EYS: variants seen among roughly 807,000 people sequenced by gnomAD.
EYS encodes the protein protein eyes shut homolog.
In EYS, 250 loss-of-function variants were observed where a neutral mutation model predicts 282.1. That is an observed-to-expected ratio of 0.89 (90% CI 0.80 to 0.98). The LOEUF is 0.98. EYS is among the 50% of genes least tolerant of loss of function. The probability of loss-of-function intolerance (pLI) is 0.00; values close to 1 mark genes in which losing one functional copy is unlikely to be tolerated. For synonymous variants in EYS, 1,355 were observed against 1,282.9 expected (o/e 1.06, Z -1.20); for missense variants, 4,016 against 3,709.0 (o/e 1.08, Z -2.15).
At chr6:64,721,427 T>G (rs949904869) in intron 22 of EYS, among the ~76,000 whole-genome samples, 1 of 152,174 alleles carries the variant, frequency 6.6e-6, no homozygotes, top group Non-Finnish European at 1.5e-5. Context: ...AAGAAAAGAA[T>G]CTTTGGTGGA....
rs1772597256 is a variant in EYS, at chr6:63,863,675, C to CTTTTCTTTTCTT, written c.7228+510_7228+511insAAGAAAAGAAAA. ...TTTCTTTTCTTTTCTTTTCTTTTTT[C>CTTTTCTTTTCTT]TTTTTTTTTTTTTTTTTTGAGATGG... On this transcript the variant is annotated intron_variant, in intron 36 of 42. Transcript: ENST00000503581. Among the ~76,000 whole-genome samples, 248 of 59,978 alleles carry CTTTTCTTTTCTT rather than the reference C, an allele frequency of 4.1e-3. 7 individuals are homozygous for CTTTTCTTTTCTT. The highest frequency in any genetic ancestry group is 0.014 in the African/African-American group (238 of 17,548). 39.3% of individuals were successfully genotyped at this position (59,978 alleles called of 152,430 possible).
At chr6:63,787,082 A>G (rs1390138124) in intron 39 of EYS, 1 of 152,156 alleles carries the variant, frequency 6.6e-6, no homozygotes, top group Non-Finnish European at 1.5e-5. Context: ...ATAAGTGGCA[A>G]TTTCCAAGAA....
chr6:64,860,008 G>A (rs9360094), intron 19 of EYS, among the ~76,000 whole-genome samples: 23,628 of 152,094 alleles, frequency 0.16, 2,158 homozygotes, highest in East Asian at 0.49. Context: ...CAAATTTGTA[G>A]CAGTTTTCTA....
At chr6:63,897,816 T>G (rs909626118) in intron 35 of EYS, among the ~76,000 whole-genome samples, 1 of 152,204 alleles carries the variant, frequency 6.6e-6, no homozygotes, top group Non-Finnish European at 1.5e-5. Context: ...AGGTTGGTTA[T>G]GGCTTGCAGG....
At chr6:64,377,022 C>T (rs1371813218) in intron 29 of EYS, among the ~76,000 whole-genome samples, 1 of 151,986 alleles carries the variant, frequency 6.6e-6, no homozygotes, top group African/African-American at 2.4e-5. Flanking sequence ...GGAGATTATT[C>T]ACCAGTGAAT....
intron 12 of EYS, among the ~76,000 whole-genome samples, chr6:65,247,291 T>C (rs996120227): frequency 6.6e-6 from 1 of 152,032 alleles, no homozygotes; most frequent in Non-Finnish European, 1.5e-5. Flanking sequence ...CTTCCAGATA[T>C]CAATTTTCTC....
intron 31 of EYS, among the ~76,000 whole-genome samples, chr6:64,086,816 T>A (rs762807069): frequency 2.6e-4 from 40 of 152,268 alleles, no homozygotes; most frequent in Non-Finnish European, 5.1e-4. Flanking sequence ...AGCATATGAA[T>A]TCTAAGAAGG....
At chr6:64,902,627 C>G in intron 16 of EYS, 127 bp from the exon 17 acceptor site, 1 of 549,248 alleles carries the variant, frequency 1.8e-6, no homozygotes, top group Non-Finnish European at 3.1e-6. Flanking sequence ...AATAATTACT[C>G]TCAAGCTTCT....
At chr6:64,895,905 C>A (rs1767445444) in intron 18 of EYS, among the ~76,000 whole-genome samples, 1 of 151,728 alleles carries the variant, frequency 6.6e-6, no homozygotes, top group Non-Finnish European at 1.5e-5. Flanking sequence ...TCCTTTCATC[C>A]TAGTGTAAAG....
intron 33 of EYS, among the ~76,000 whole-genome samples, chr6:64,033,617 A>C (rs530703208): frequency 1.3e-5 from 2 of 152,116 alleles, no homozygotes; most frequent in African/African-American, 2.4e-5. Flanking sequence ...TTAATTGTCA[A>C]AATTTTTTAT....
chr6:64,776,275 G>A (rs1334183773), intron 22 of EYS, among the ~76,000 whole-genome samples: 1 of 151,864 alleles, frequency 6.6e-6, no homozygotes, highest in Non-Finnish European at 1.5e-5. Flanking sequence ...CTATTTCCCT[G>A]GCTTATGAAG....
chr6:64,527,858 A>G (rs1007306300), intron 26 of EYS, among the ~76,000 whole-genome samples: 2 of 151,832 alleles, frequency 1.3e-5, no homozygotes, highest in African/African-American at 4.8e-5. Flanking sequence ...ATGTAAAGAC[A>G]AGGGAAAAAG....
chr6:64,311,053 TAAAA>T (rs1230922462), intron 29 of EYS, among the ~76,000 whole-genome samples: 5 of 151,706 alleles, frequency 3.3e-5, no homozygotes, highest in Non-Finnish European at 7.4e-5. Context: ...GTTTTTTAAA[TAAAA>T]ATAATTTATT....
chr6:65,400,498 C>A (rs1458774207), intron 7 of EYS, among the ~76,000 whole-genome samples: 1 of 151,852 alleles, frequency 6.6e-6, no homozygotes. Flanking sequence ...TCCTTCTGCT[C>A]ATAATAATAA....
At chr6:64,584,398 A>T (rs954481308) in intron 26 of EYS, among the ~76,000 whole-genome samples, 7 of 151,546 alleles carry the variant, frequency 4.6e-5, no homozygotes, top group Admixed American at 3.9e-4. Context: ...TCCAATTTTT[A>T]AAATTTTAAT....
intron 2 of EYS, among the ~76,000 whole-genome samples, chr6:65,559,863 A>G (rs1192185552): frequency 1.3e-5 from 2 of 151,820 alleles, no homozygotes. Context: ...TGTACCTTTC[A>G]AGCAGCATTA....
chr6:65,031,489 A>G (rs1772602526), intron 13 of EYS, among the ~76,000 whole-genome samples: 1 of 152,128 alleles, frequency 6.6e-6, no homozygotes, highest in Non-Finnish European at 1.5e-5. Flanking sequence ...ACATAAAATA[A>G]TTGTTAGTAA....
chr6:65,117,729 G>C (rs1775417357), intron 12 of EYS, among the ~76,000 whole-genome samples: 1 of 152,094 alleles, frequency 6.6e-6, no homozygotes, highest in Non-Finnish European at 1.5e-5. Flanking sequence ...AGGAAAAGCA[G>C]ACAACAAAAA....
intron 12 of EYS, among the ~76,000 whole-genome samples, chr6:65,276,137 C>G (rs1768041157): frequency 6.6e-6 from 1 of 152,078 alleles, no homozygotes; most frequent in Admixed American, 6.6e-5. Flanking sequence ...GAAGAGTTTT[C>G]TGAAAGCTCA....
Sources: allele counts gnomAD v4.1 joint callset (sites outside exome capture counted in the v4.1 genomes callset), GRCh38; gene constraint gnomAD v4.1.1; transcripts MANE v1.5; gene names NCBI Gene and HGNC (gene_info 2026-07-23, HGNC 2026-07-21).